Variants in PPP1R9A observed in about 807,000 individuals in gnomAD.
PPP1R9A encodes neurabin-1.
A neutral mutation model predicts 141.9 loss-of-function variants in PPP1R9A; 59 were observed. The ratio of observed to expected loss-of-function variants is 0.42; its 90% confidence interval spans 0.34 to 0.52. The LOEUF (loss-of-function observed/expected upper bound fraction) is 0.52. Among genes scored for constraint, PPP1R9A ranks in the 20% least tolerant of loss-of-function variants. The pLI is 0.10. For missense variants in PPP1R9A, 1,444 were observed against 1,611.9 expected, an observed-to-expected ratio of 0.90 and a Z score of 1.78; for synonymous variants, 500 against 569.7, an observed-to-expected ratio of 0.88 and a Z score of 1.74.
At chr7:95,070,036 T>G (rs1260957493) in intron 2 of PPP1R9A, among the ~76,000 whole-genome samples, 1 of 152,162 alleles carries the variant, frequency 6.6e-6, no homozygotes, top group Non-Finnish European at 1.5e-5. Context: ...TTAAAAAATA[T>G]ACATGATTCC....
intron 8 of PPP1R9A, among the ~76,000 whole-genome samples, chr7:95,234,887 G>A (rs189930373): frequency 2.6e-5 from 4 of 152,184 alleles, no homozygotes; most frequent in Non-Finnish European, 5.9e-5. Flanking sequence ...ACTGATGTTC[G>A]ACAAAGCAAA....
At chr7:95,087,463 G>A (rs952281218) in intron 2 of PPP1R9A, among the ~76,000 whole-genome samples, 6 of 152,080 alleles carry the variant, frequency 3.9e-5, no homozygotes, top group African/African-American at 1.5e-4. Flanking sequence ...ATATGGGTCA[G>A]TGTTTTTGCT....
intron 4 of PPP1R9A, among the ~76,000 whole-genome samples, chr7:95,128,144 CA>C (rs1823910763): frequency 6.6e-6 from 1 of 152,162 alleles, no homozygotes; most frequent in African/African-American, 2.4e-5. Context: ...AGCGTGTAAG[CA>C]TTCCCTTTTC....
chr7:95,241,136 TAAAA>T (rs1255516909), intron 8 of PPP1R9A, among the ~76,000 whole-genome samples: 9 of 152,116 alleles, frequency 5.9e-5, no homozygotes, highest in Non-Finnish European at 1.2e-4. Context: ...GTTAAAGAGA[TAAAA>T]AAGGTAATTT....
chr7:95,144,103 T>G (rs1827173674), intron 4 of PPP1R9A, among the ~76,000 whole-genome samples: 1 of 152,138 alleles, frequency 6.6e-6, no homozygotes, highest in Admixed American at 6.5e-5. Context: ...CAGAATTTAT[T>G]CATCTTATAA....
At chr7:94,941,583 G>T (rs114863001) in intron 2 of PPP1R9A, among the ~76,000 whole-genome samples, 14 of 151,606 alleles carry the variant, frequency 9.2e-5, no homozygotes, top group African/African-American at 2.2e-4. Flanking sequence ...ATATGGAAAG[G>T]TTTCAACTCT....
intron 7 of PPP1R9A, among the ~76,000 whole-genome samples, chr7:95,216,465 G>A (rs190131879): frequency 3.3e-5 from 5 of 152,078 alleles, no homozygotes; most frequent in East Asian, 3.9e-4. Context: ...TTTTGGTTCC[G>A]TATGAACTTT....
chr7:94,911,168 T>G lies in PPP1R9A; in HGVS notation c.1055T>G (p.Val352Gly). The G allele has an allele frequency of 6.2e-7, 1 of 1,614,040 alleles. No individual in the cohort carries two copies. Among genetic ancestry groups the G allele is most frequent in the South Asian group, 1.1e-5 (1 of 91,076 alleles). Residue 352 changes from valine to glycine, a missense_variant, in exon 2 of 20, where the codon GTT becomes GGT. Val to Gly is a moderately radical substitution (Grantham distance 109, BLOSUM62 -3). Transcript: ENST00000433360. Reference sequence around the variant, plus strand: ...TTAGAAGATGCTGAAGCTAATTTGGTTGGAAGGGAGGCAGCAAAGCAACAG... The same window carrying G: ...TTAGAAGATGCTGAAGCTAATTTGGGTGGAAGGGAGGCAGCAAAGCAACAG... ...QLLEDAEANLVGREAAKQQRK... is the reference protein window; with the variant it reads ...QLLEDAEANLGGREAAKQQRK...
In PPP1R9A at chr7:95,128,568, C is replaced by CGTTT. The variant is rs372584781; in HGVS notation, c.1649+7757_1649+7760dup. ...TTTCTTTTCTGTTTTGTTTTCTGTT[C>CGTTT]GTTTGTTTGTTTGTTTGTTTGTTTT... is the stretch of plus-strand genomic sequence containing the variant. On this transcript the variant is annotated intron_variant, in intron 4 of 19. Coordinates refer to ENST00000433360, the MANE Select transcript of PPP1R9A (RefSeq NM_001166160.2). 1.2e-3 allele frequency among the ~76,000 whole-genome samples: 177 copies of CGTTT among 151,850 alleles called. 2 individuals carry two copies. The highest frequency in any genetic ancestry group is 3.3e-3 in the African/African-American group (138 of 41,416).
chr7:95,246,906 T>C (rs988177364), intron 8 of PPP1R9A, among the ~76,000 whole-genome samples: 1 of 152,072 alleles, frequency 6.6e-6, no homozygotes, highest in African/African-American at 2.4e-5. Context: ...AGGACAGAAA[T>C]CTGGATCTGT....
At chr7:95,094,999 T>G (rs1817845334) in intron 2 of PPP1R9A, among the ~76,000 whole-genome samples, 1 of 151,572 alleles carries the variant, frequency 6.6e-6, no homozygotes. Flanking sequence ...CAAGCCCCTG[T>G]GGCCAAAAGG....
At chr7:95,086,238 A>T (rs1243605508) in intron 2 of PPP1R9A, among the ~76,000 whole-genome samples, 1 of 152,128 alleles carries the variant, frequency 6.6e-6, no homozygotes, top group Non-Finnish European at 1.5e-5. Context: ...ACATTGTAGA[A>T]GTGGTTTTTA....
intron 16 of PPP1R9A, among the ~76,000 whole-genome samples, chr7:95,276,113 T>C (rs961177911): frequency 6.6e-6 from 1 of 152,076 alleles, no homozygotes; most frequent in African/African-American, 2.4e-5. Context: ...AAGAGATGCA[T>C]AAATACATGA....
rs548677522 is a variant in PPP1R9A, at chr7:94,945,457, C to G, written c.1395+33949C>G. ...AGTATTTAAATAATTTAACTTGATT[C>G]ATTGTGGATGTCCGGGTCATTGAAA... On this transcript the variant is annotated intron_variant, in intron 2 of 19. Transcript: ENST00000433360. 7.9e-5 allele frequency among the ~76,000 whole-genome samples: 12 copies of G among 152,124 alleles called. No homozygotes were observed. The South Asian group carries it at 2.5e-3, about 32-fold the overall frequency.
intron 1 of PPP1R9A, among the ~76,000 whole-genome samples, chr7:94,909,266 A>G (rs190899860): frequency 3.9e-4 from 59 of 152,334 alleles, no homozygotes; most frequent in Middle Eastern, 3.4e-3. Flanking sequence ...GAAACTTCCA[A>G]ATACTTGTTA....
chr7:94,977,365 A>G (rs1799568182), intron 2 of PPP1R9A, among the ~76,000 whole-genome samples: 1 of 152,206 alleles, frequency 6.6e-6, no homozygotes, highest in Admixed American at 6.5e-5. Flanking sequence ...GTGACCATCA[A>G]GAATAGCTGA....
intron 1 of PPP1R9A, chr7:94,908,572 C>T (rs910872949): frequency 1.3e-5 from 2 of 152,136 alleles, no homozygotes; most frequent in Non-Finnish European, 2.9e-5. Context: ...CCGAACCGGG[C>T]TTGGGAATCG....
intron 5 of PPP1R9A, among the ~76,000 whole-genome samples, chr7:95,192,601 A>G (rs1375977795): frequency 1.3e-5 from 2 of 152,034 alleles, no homozygotes; most frequent in African/African-American, 4.8e-5. Flanking sequence ...TAAGGATTAT[A>G]TAATATTTGT....
chr7:95,287,087 T>C, intron 18 of PPP1R9A: 1 of 1,606,300 alleles, frequency 6.2e-7, no homozygotes, highest in Non-Finnish European at 8.5e-7. Flanking sequence ...TCTTCTTGAT[T>C]CTTTTATTGC....
Sources: gnomAD v4.1 joint callset for allele counts (sites outside exome capture counted in the v4.1 genomes callset) on GRCh38, gnomAD v4.1.1 for gene constraint, MANE v1.5 for transcripts, NCBI Gene and HGNC (gene_info 2026-07-23, HGNC 2026-07-21) for gene names.